Variants in PAK5 observed in about 807,000 individuals in gnomAD.
The protein encoded by PAK5 is serine/threonine-protein kinase PAK 5.
In PAK5, 16 loss-of-function variants were observed where a neutral mutation model predicts 65.9. The observed-to-expected ratio is 0.24, with a 90% CI of 0.16 to 0.37. PAK5 has a LOEUF of 0.37. Ranked by LOEUF, PAK5 falls within the 10% of genes least tolerant of loss-of-function variation. The probability of loss-of-function intolerance (pLI) is 1.00; values close to 1 mark genes in which losing one functional copy is unlikely to be tolerated. For synonymous variants in PAK5, 371 were observed against 354.9 expected (o/e 1.05, Z -0.51); for missense variants, 785 against 903.9 (o/e 0.87, Z 1.69).
At chr20:9,628,565 C>G (rs567735096) in intron 3 of PAK5, among the ~76,000 whole-genome samples, 48 of 152,310 alleles carry the variant, frequency 3.2e-4, no homozygotes, top group African/African-American at 1.2e-3. Context: ...TTTGTCTTTA[C>G]AATTCTTTCT....
intron 1 of PAK5, among the ~76,000 whole-genome samples, chr20:9,727,869 T>C (rs1054719139): frequency 6.6e-6 from 1 of 152,122 alleles, no homozygotes; most frequent in Admixed American, 6.5e-5. Context: ...ACCTTCCTTT[T>C]TGGCAACACA....
chr20:9,680,468 G>A (rs981655388), intron 2 of PAK5, among the ~76,000 whole-genome samples: 5 of 152,146 alleles, frequency 3.3e-5, no homozygotes, highest in African/African-American at 9.7e-5. Context: ...ACTGGAGCTC[G>A]GTCCTGATGA....
intron 2 of PAK5, among the ~76,000 whole-genome samples, chr20:9,676,600 G>A (rs1320667599): frequency 2.0e-5 from 3 of 152,088 alleles, no homozygotes; most frequent in African/African-American, 4.8e-5. Context: ...TGAGATAGAG[G>A]GAGAAAGGGA....
chr20:9,676,708 T>C (rs975584985), intron 2 of PAK5, among the ~76,000 whole-genome samples: 1 of 152,210 alleles, frequency 6.6e-6, no homozygotes, highest in African/African-American at 2.4e-5. Flanking sequence ...CACATACATA[T>C]AAATATGTAC....
chr20:9,644,831 C>T (rs965830518), intron 2 of PAK5, among the ~76,000 whole-genome samples: 2 of 152,140 alleles, frequency 1.3e-5, no homozygotes, highest in Admixed American at 6.6e-5. Context: ...TATTGAGCCA[C>T]GGCTGACTCG....
intron 3 of PAK5, among the ~76,000 whole-genome samples, chr20:9,581,699 A>T (rs1363164457): frequency 6.6e-6 from 1 of 152,138 alleles, no homozygotes; most frequent in Non-Finnish European, 1.5e-5. Flanking sequence ...TGTTCCCTTT[A>T]ATGAACCTAA....
chr20:9,616,837 C>T (rs2046666823), intron 3 of PAK5, among the ~76,000 whole-genome samples: 1 of 152,200 alleles, frequency 6.6e-6, no homozygotes. Flanking sequence ...TGGTTGAATT[C>T]CTTGGCAGTC....
chr20:9,608,178 C>T (rs1288470311), intron 3 of PAK5, among the ~76,000 whole-genome samples: 2 of 152,334 alleles, frequency 1.3e-5, no homozygotes, highest in South Asian at 2.1e-4. Context: ...CTCCAAATAT[C>T]ACCACACTGA....
In PAK5 at chr20:9,671,211, G is replaced by T. The variant is rs1169759816; in HGVS notation, c.-11-26872C>A. Among the ~76,000 whole-genome samples, 4 of 152,138 alleles carry T rather than the reference G, an allele frequency of 2.6e-5. No individual in the cohort carries two copies. The South Asian group carries it at 6.2e-4, about 24-fold the overall frequency. Reference sequence around the variant, plus strand: ...ATAGTTTGAAGTCAGGTAGCATGACGCCTCCAGCTTTGTTCTTTTGGCTTA... The same window carrying T: ...ATAGTTTGAAGTCAGGTAGCATGACTCCTCCAGCTTTGTTCTTTTGGCTTA... On this transcript the variant is annotated intron_variant, in intron 2 of 9. Coordinates refer to ENST00000353224, the MANE Select transcript of PAK5 (RefSeq NM_177990.4).
intron 1 of PAK5, among the ~76,000 whole-genome samples, chr20:9,749,488 G>T (rs1331278752): frequency 6.6e-6 from 1 of 152,082 alleles, no homozygotes; most frequent in East Asian, 1.9e-4. Flanking sequence ...AAACTGTTTT[G>T]TACATAGCAC....
chr20:9,662,046 G>A (rs115860042), intron 2 of PAK5, among the ~76,000 whole-genome samples: 1 of 152,138 alleles, frequency 6.6e-6, no homozygotes, highest in Non-Finnish European at 1.5e-5. Context: ...GGGTTTATCT[G>A]TAGAGGTCTT....
chr20:9,543,585 T>C (rs1659605845), intron 8 of PAK5, among the ~76,000 whole-genome samples: 1 of 152,178 alleles, frequency 6.6e-6, no homozygotes, highest in African/African-American at 2.4e-5. Context: ...CTTATGCTGA[T>C]GTCCTTAGCT....
At chr20:9,807,660 CTA>C (rs2049248797) in intron 1 of PAK5, among the ~76,000 whole-genome samples, 1 of 151,654 alleles carries the variant, frequency 6.6e-6, no homozygotes. Context: ...CAAAGCAAGA[CTA>C]TGTTTTCCAG....
At chr20:9,571,874 T>TG (rs35328499) in intron 4 of PAK5, among the ~76,000 whole-genome samples, 18,382 of 38,954 alleles carry the variant, frequency 0.47, 2,890 homozygotes, top group African/African-American at 0.56. Flanking sequence ...GCATGAATGA[T>TG]GGGGGGGGGG....
chr20:9,572,455 C>T (rs2045806860), intron 4 of PAK5, among the ~76,000 whole-genome samples: 1 of 152,146 alleles, frequency 6.6e-6, no homozygotes, highest in Admixed American at 6.5e-5. Flanking sequence ...GAAAGATGTG[C>T]AAAGCAGTCC....
intron 1 of PAK5, among the ~76,000 whole-genome samples, chr20:9,757,087 C>A (rs2048643138): frequency 6.6e-6 from 1 of 152,168 alleles, no homozygotes; most frequent in Non-Finnish European, 1.5e-5. Flanking sequence ...TGAAAACATA[C>A]TTTTCACCGA....
chr20:9,558,043 T>TATTTATTTATTTATTTATTCATTC (rs55861453), intron 6 of PAK5, among the ~76,000 whole-genome samples: 25 of 138,950 alleles, frequency 1.8e-4, no homozygotes, highest in African/African-American at 2.9e-4. Context: ...TTTATTTATT[T>TATTTATTTATTTATTTATTCATTC]ATTCATTCAT....
intron 7 of PAK5, among the ~76,000 whole-genome samples, chr20:9,556,674 C>T (rs892529986): frequency 2.0e-5 from 3 of 152,160 alleles, no homozygotes; most frequent in Admixed American, 1.3e-4. Context: ...TGTTATATTC[C>T]ATGCTCTGTG....
chr20:9,602,305 A>C lies in PAK5; in HGVS notation c.205-21375T>G, dbSNP rs6056744. ...ACTCTGTCTCAAAAATAAATAAATA[A>C]ATAAATAAATAAATAAATAAATAAA... On this transcript the variant is annotated intron_variant, in intron 3 of 9. Transcript: ENST00000353224. Among the ~76,000 whole-genome samples, 372 of 99,470 alleles carry C rather than the reference A, an allele frequency of 3.7e-3. 5 individuals are homozygous for C. Among genetic ancestry groups the C allele is most frequent in the African/African-American group, 0.015 (339 of 23,094 alleles). 65.3% of individuals were successfully genotyped at this position (99,470 alleles called of 152,430 possible).
Sources: allele counts gnomAD v4.1 joint callset (sites outside exome capture counted in the v4.1 genomes callset), GRCh38; gene constraint gnomAD v4.1.1; transcripts MANE v1.5; gene names NCBI Gene and HGNC (gene_info 2026-07-23, HGNC 2026-07-21).